Variants in TASP1 observed in about 807,000 individuals in gnomAD.
The protein encoded by TASP1 is taspase 1, also known as threonine aspartase 1.
TASP1 carries 16 observed loss-of-function variants against 56.6 expected under a neutral mutation model. That is an observed-to-expected ratio of 0.28 (90% CI 0.19 to 0.43). The LOEUF (loss-of-function observed/expected upper bound fraction) is 0.43, where lower values mean the gene tolerates loss of function less well. TASP1 is among the 20% of genes least tolerant of loss of function. The pLI is 1.00. For synonymous variants in TASP1, 179 were observed against 184.2 expected (o/e 0.97, Z 0.23); for missense variants, 393 against 511.6 (o/e 0.77, Z 2.24).
chr20:13,148,590 T>C, the TASP1 span, among the ~76,000 whole-genome samples: 1 of 152,192 alleles, frequency 6.6e-6, no homozygotes, highest in African/African-American at 2.4e-5. Flanking sequence ...CCCATTTTTA[T>C]TTGCCACACC....
At chr20:13,504,666 T>C (rs991910232) in intron 10 of TASP1, among the ~76,000 whole-genome samples, 3 of 152,134 alleles carry the variant, frequency 2.0e-5, no homozygotes, top group African/African-American at 7.2e-5. Context: ...CAATAATTTG[T>C]TAACAGATAC....
chr20:13,317,124 T>C, the TASP1 span, among the ~76,000 whole-genome samples: 6 of 151,942 alleles, frequency 3.9e-5, no homozygotes, highest in Non-Finnish European at 8.8e-5. Flanking sequence ...CAAATGTTCA[T>C]TGCTGTATAC....
the TASP1 span, among the ~76,000 whole-genome samples, chr20:13,172,507 T>A: frequency 1.0e-3 from 155 of 152,268 alleles, no homozygotes; most frequent in Non-Finnish European, 1.9e-3. Context: ...CCATTTATAG[T>A]GATTTCTTTT....
At chr20:13,441,756 T>C (rs755127143) in intron 11 of TASP1, among the ~76,000 whole-genome samples, 9 of 152,136 alleles carry the variant, frequency 5.9e-5, no homozygotes, top group South Asian at 2.1e-4. Context: ...AGTTGAGAGA[T>C]GACAGTGGCT....
the TASP1 span, among the ~76,000 whole-genome samples, chr20:13,359,050 GC>G: frequency 2.7e-5 from 4 of 150,280 alleles, no homozygotes; most frequent in East Asian, 7.8e-4. Context: ...TTCCTAGGGG[GC>G]AAGAACCCCC....
intron 11 of TASP1, among the ~76,000 whole-genome samples, chr20:13,465,847 G>T (rs1380153101): frequency 2.0e-5 from 3 of 151,700 alleles, no homozygotes; most frequent in Non-Finnish European, 4.4e-5. Context: ...GTGGGTGGGT[G>T]AGTGATAGTC....
chr20:13,624,302 T>G (rs893036750), intron 3 of TASP1, among the ~76,000 whole-genome samples: 1 of 152,082 alleles, frequency 6.6e-6, no homozygotes, highest in African/African-American at 2.4e-5. Flanking sequence ...TATATAAAAT[T>G]TATTTTCAGA....
the TASP1 span, among the ~76,000 whole-genome samples, chr20:13,363,788 A>G: frequency 1.3e-5 from 2 of 152,214 alleles, no homozygotes; most frequent in Non-Finnish European, 2.9e-5. Flanking sequence ...GTGGCAGTGC[A>G]GGGAGGGGGA....
At chr20:13,392,595 A>C (rs937121958) in intron 13 of TASP1, 9 of 357,456 alleles carry the variant, frequency 2.5e-5, no homozygotes, top group Non-Finnish European at 4.9e-5. Context: ...ATGTTTATGT[A>C]AACATGCAGA....
rs1310144866 is a variant in TASP1, at chr20:13,620,273, C to CACACACACAA, written c.282+3172_282+3173insTTGTGTGTGT. 3.7e-3 allele frequency among the ~76,000 whole-genome samples: 566 copies of CACACACACAA among 151,208 alleles called. 4 individuals are homozygous for CACACACACAA. The highest frequency in any genetic ancestry group is 0.013 in the African/African-American group (536 of 41,350). On this transcript the variant is annotated intron_variant, in intron 4 of 13. Coordinates refer to ENST00000337743, the MANE Select transcript of TASP1 (RefSeq NM_017714.3). ...TGTGTCTCTGTGGTATTTACACACA[C>CACACACACAA]ACACACACACACACACACACACACA...
chr20:13,392,136 G>A (rs1156574120), intron 13 of TASP1, among the ~76,000 whole-genome samples: 1 of 151,560 alleles, frequency 6.6e-6, no homozygotes, highest in African/African-American at 2.4e-5. Flanking sequence ...CCTACAAGCA[G>A]AAGAACTTAA....
chr20:13,633,511 C>CT (rs1166320728), intron 1 of TASP1, among the ~76,000 whole-genome samples: 2 of 152,102 alleles, frequency 1.3e-5, no homozygotes, highest in Non-Finnish European at 2.9e-5. Flanking sequence ...GCATGTTTCT[C>CT]TGAGTATTGA....
At chr20:13,164,912 C>A in the TASP1 span, 1 of 1,490,020 alleles carries the variant, frequency 6.7e-7, no homozygotes, top group Non-Finnish European at 9.2e-7. Context: ...CGAGAAAGAC[C>A]TCCCTCCTTG....
At chr20:13,320,163 G>A in the TASP1 span, among the ~76,000 whole-genome samples, 1 of 152,214 alleles carries the variant, frequency 6.6e-6, no homozygotes, top group African/African-American at 2.4e-5. Context: ...TAACCCTGCT[G>A]AGGGGCTCAT....
At chr20:13,543,275 T>G (rs915574973) in intron 8 of TASP1, among the ~76,000 whole-genome samples, 3 of 152,072 alleles carry the variant, frequency 2.0e-5, no homozygotes, top group Admixed American at 2.0e-4. Context: ...CTACATATCT[T>G]CAAGTGATGC....
chr20:13,511,620 C>T (rs2044328622), intron 10 of TASP1, among the ~76,000 whole-genome samples: 1 of 151,926 alleles, frequency 6.6e-6, no homozygotes, highest in Non-Finnish European at 1.5e-5. Flanking sequence ...TATTATCATA[C>T]TTTAAGTTCT....
chr20:13,171,506 T>C, the TASP1 span, among the ~76,000 whole-genome samples: 1 of 152,162 alleles, frequency 6.6e-6, no homozygotes, highest in African/African-American at 2.4e-5. Context: ...AGATTTCCTA[T>C]ATAGATGAGG....
At chr20:13,578,251 C>A (rs1165349219) in intron 6 of TASP1, among the ~76,000 whole-genome samples, 2 of 151,028 alleles carry the variant, frequency 1.3e-5, no homozygotes, top group East Asian at 3.9e-4. Context: ...TATTGGGCAC[C>A]TTTTAATGTA....
At chr20:13,375,660 C>G in the TASP1 span, among the ~76,000 whole-genome samples, 1 of 152,302 alleles carries the variant, frequency 6.6e-6, no homozygotes, top group Admixed American at 6.5e-5. Context: ...AATCACCACA[C>G]TGTATTCCAC....
Sources: allele counts gnomAD v4.1 joint callset (sites outside exome capture counted in the v4.1 genomes callset), GRCh38; gene constraint gnomAD v4.1.1; transcripts MANE v1.5; gene names NCBI Gene and HGNC (gene_info 2026-07-23, HGNC 2026-07-21).